PAM: variants seen among roughly 807,000 people sequenced by gnomAD.
The protein encoded by PAM is peptidyl-glycine alpha-amidating monooxygenase.
In PAM, 72 loss-of-function variants were observed where a neutral mutation model predicts 122.1. The ratio of observed to expected loss-of-function variants is 0.59; its 90% CI spans 0.49 to 0.72. PAM has a LOEUF of 0.72. PAM is among the 30% of genes least tolerant of loss of function. The pLI is 0.00. For missense variants in PAM, 1,106 were observed against 1,183.7 expected (o/e 0.93, Z 0.96); for synonymous variants, 389 against 404.4 (o/e 0.96, Z 0.46).
chr5:102,959,532 G>A (rs1761853420), intron 12 of PAM, among the ~76,000 whole-genome samples: 1 of 152,138 alleles, frequency 6.6e-6, no homozygotes, highest in Non-Finnish European at 1.5e-5. Context: ...CCCAGTCTAT[G>A]AGTTTTAGCA....
At chr5:103,028,290 C>CAA (rs1785576806) in intron 25 of PAM, 52 bp downstream of exon 25, 2 of 1,246,254 alleles carry the variant, frequency 1.6e-6, no homozygotes, top group Non-Finnish European at 2.3e-6. Flanking sequence ...AGTCAACAAG[C>CAA]ACATGTCTTT....
At chr5:102,878,242 A>G (rs536653581) in intron 3 of PAM, among the ~76,000 whole-genome samples, 1 of 152,258 alleles carries the variant, frequency 6.6e-6, no homozygotes, top group Admixed American at 6.5e-5. Flanking sequence ...TGATGTTTCA[A>G]TCAAAGGGAC....
At chr5:103,011,668 T>TG (rs1780683696) in intron 21 of PAM, among the ~76,000 whole-genome samples, 1 of 152,238 alleles carries the variant, frequency 6.6e-6, no homozygotes, top group Non-Finnish European at 1.5e-5. Context: ...TATCTGTTGA[T>TG]GGACTCTTAG....
At chr5:102,844,030 T>C (rs1779334442) in intron 1 of PAM, among the ~76,000 whole-genome samples, 1 of 152,204 alleles carries the variant, frequency 6.6e-6, no homozygotes, top group South Asian at 2.1e-4. Flanking sequence ...GCAGCTTTAT[T>C]TGTAGAAGCT....
At chr5:102,840,426 T>A (rs376817150) in intron 1 of PAM, among the ~76,000 whole-genome samples, 185 of 152,336 alleles carry the variant, frequency 1.2e-3, no homozygotes, top group Middle Eastern at 3.4e-3. Context: ...ACAGCAATGA[T>A]AATTTGAAGA....
At chr5:102,898,004 T>C (rs781315591) in intron 3 of PAM, among the ~76,000 whole-genome samples, 51 of 151,634 alleles carry the variant, frequency 3.4e-4, no homozygotes, top group Non-Finnish European at 6.8e-4. Flanking sequence ...AAGAATGCTA[T>C]GAGAGAACTA....
chr5:102,906,039 C>T (rs978317338), intron 4 of PAM, among the ~76,000 whole-genome samples: 3 of 151,630 alleles, frequency 2.0e-5, no homozygotes. Context: ...TATACCTTGT[C>T]TCAGAGTCTC....
At chr5:102,840,852 G>T (rs73191087) in intron 1 of PAM, among the ~76,000 whole-genome samples, 10,655 of 152,154 alleles carry the variant, frequency 0.07, 722 homozygotes, top group African/African-American at 0.17. Context: ...TGCAGTTGAG[G>T]CTGGGCATGT....
At chr5:102,758,610 A>T (rs1282623326) in intron 1 of PAM, among the ~76,000 whole-genome samples, 1 of 152,220 alleles carries the variant, frequency 6.6e-6, no homozygotes, top group Admixed American at 6.5e-5. Flanking sequence ...CAGAAATTTC[A>T]GTCATCATGT....
At chr5:102,977,508 C>T (rs1179597136) in intron 15 of PAM, among the ~76,000 whole-genome samples, 2 of 151,944 alleles carry the variant, frequency 1.3e-5, no homozygotes, top group Non-Finnish European at 2.9e-5. Context: ...TCTGAAAACT[C>T]TGAACAATTG....
At position 102,859,420 on chromosome 5, in the gene PAM, A is replaced by T. The variant is rs187619732; in HGVS notation, c.-373-6403A>T. On this transcript the variant is annotated intron_variant, in intron 1 of 25. Transcript: ENST00000438793. Reference sequence around the variant, plus strand: ...AAAAAGTTTAATAAGGTTTTTTTTTAAAAAAAGCTTATAGAATAAAGATAT... The same window carrying T: ...AAAAAGTTTAATAAGGTTTTTTTTTTAAAAAAGCTTATAGAATAAAGATAT... Among the ~76,000 whole-genome samples the T allele has an allele frequency of 5.3e-3, 806 of 151,002 alleles. 8 individuals are homozygous for T. Among genetic ancestry groups the T allele is most frequent in the African/African-American group, 0.018 (747 of 40,626 alleles).
chr5:102,875,176 C>G (rs757205885), intron 3 of PAM, among the ~76,000 whole-genome samples: 5 of 148,546 alleles, frequency 3.4e-5, no homozygotes, highest in Admixed American at 6.6e-5. Context: ...CTGGCTTCAT[C>G]CTAAATTATT....
chr5:102,942,187 T>A (rs1451320071), intron 7 of PAM, among the ~76,000 whole-genome samples: 1 of 152,130 alleles, frequency 6.6e-6, no homozygotes, highest in Non-Finnish European at 1.5e-5. Context: ...TCCTACGGGA[T>A]TTTCAAAGTA....
At chr5:102,942,924 G>T (rs575034763) in intron 7 of PAM, among the ~76,000 whole-genome samples, 4 of 152,078 alleles carry the variant, frequency 2.6e-5, no homozygotes, top group African/African-American at 7.2e-5. Context: ...AGACTTGGCA[G>T]TGGTTTCAGG....
At chr5:102,875,879 C>T (rs1033966281) in intron 3 of PAM, among the ~76,000 whole-genome samples, 1 of 152,124 alleles carries the variant, frequency 6.6e-6, no homozygotes, top group Non-Finnish European at 1.5e-5. Flanking sequence ...ATTGAATATG[C>T]CATTTAGGCT....
intron 24 of PAM, among the ~76,000 whole-genome samples, chr5:103,025,964 A>G (rs1366334493): frequency 6.6e-6 from 1 of 152,226 alleles, no homozygotes; most frequent in Non-Finnish European, 1.5e-5. Flanking sequence ...AGGCATAAGA[A>G]GTTATAAAAA....
rs1022605168 is a variant in PAM at position 102,957,937 on chromosome 5, A to G, written c.906-1938A>G. Among the ~76,000 whole-genome samples the G allele has an allele frequency of 2.6e-5, 4 of 152,204 alleles. No individual in the cohort carries two copies. The East Asian group carries it at 7.7e-4, about 29-fold the overall frequency. On this transcript the variant is annotated intron_variant, in intron 12 of 25. Transcript: ENST00000438793. ...TAGTAGGAAGAGTAAAAAAAGTTCT[A>G]GAATTCCCTCTCTAAGTATTTTATA...
intron 15 of PAM, among the ~76,000 whole-genome samples, chr5:102,987,214 C>G (rs771077248): frequency 3.0e-4 from 45 of 152,182 alleles, no homozygotes; most frequent in Non-Finnish European, 5.3e-4. Flanking sequence ...TACTATTCAG[C>G]CATAAAAGAA....
chr5:102,845,411 T>TA (rs1176107371), intron 1 of PAM, among the ~76,000 whole-genome samples: 1 of 152,176 alleles, frequency 6.6e-6, no homozygotes, highest in Non-Finnish European at 1.5e-5. Context: ...AGCATAATGT[T>TA]AAAGTGATGC....
Sources: allele counts gnomAD v4.1 joint callset (sites outside exome capture counted in the v4.1 genomes callset), GRCh38; gene constraint gnomAD v4.1.1; transcripts MANE v1.5; gene names NCBI Gene and HGNC (gene_info 2026-07-23, HGNC 2026-07-21).